BAIAP2L1: variants seen among roughly 807,000 people sequenced by gnomAD.
The protein encoded by BAIAP2L1 is BAR/IMD domain containing adaptor protein 2 like 1.
In BAIAP2L1, 35 loss-of-function variants were observed where a neutral mutation model predicts 66.3. The ratio of observed to expected loss-of-function variants is 0.53; its 90% CI spans 0.40 to 0.70. The LOEUF (loss-of-function observed/expected upper bound fraction) is 0.70, where lower values mean the gene tolerates loss of function less well. BAIAP2L1 is among the 30% of genes least tolerant of loss of function. The probability of loss-of-function intolerance (pLI) is 0.00; values close to 1 mark genes in which losing one functional copy is unlikely to be tolerated. For synonymous variants in BAIAP2L1, 269 were observed against 248.7 expected (o/e 1.08, Z -0.77); for missense variants, 622 against 656.9 (o/e 0.95, Z 0.58).
In BAIAP2L1 at chr7:98,311,354, T is replaced by G. The variant is rs940714335; in HGVS notation, c.807+743A>C. Among the ~76,000 whole-genome samples the G allele has an allele frequency of 4.7e-5, 7 of 148,474 alleles. No individual in the cohort carries two copies. In the East Asian group the frequency reaches 1.5e-3, roughly 31 times the overall value. ...GTCAGGAGATCGTGACCATCCTGGC[T>G]AACATGGTGAAACCCGGTTTCCACT... On this transcript the variant is annotated intron_variant, in intron 8 of 13. Transcript: ENST00000005260.
At chr7:98,398,533 A>G (rs1019662136) in intron 1 of BAIAP2L1, among the ~76,000 whole-genome samples, 4 of 152,050 alleles carry the variant, frequency 2.6e-5, no homozygotes, top group African/African-American at 9.7e-5. Flanking sequence ...ACGAACAAAC[A>G]TTTAGTGAGC....
intron 1 of BAIAP2L1, among the ~76,000 whole-genome samples, chr7:98,367,545 T>TTTC: frequency 6.8e-6 from 1 of 148,084 alleles, no homozygotes; most frequent in Non-Finnish European, 1.5e-5. Context: ...TTTTTTTTTT[T>TTTC]TTTTTTGTGA....
At chr7:98,386,766 T>C (rs979440974) in intron 1 of BAIAP2L1, among the ~76,000 whole-genome samples, 2 of 140,140 alleles carry the variant, frequency 1.4e-5, no homozygotes, top group Non-Finnish European at 1.5e-5. Context: ...GTGGTGCCAC[T>C]TCAGCTCACT....
At chr7:98,357,020 A>AAAAAAAAAT (rs1554337328) in intron 2 of BAIAP2L1, among the ~76,000 whole-genome samples, 1 of 28,100 alleles carries the variant, frequency 3.6e-5, no homozygotes, top group African/African-American at 2.3e-4. Context: ...AAAAAAAAAA[A>AAAAAAAAAT]ATATATATAT....
chr7:98,363,180 G>C (rs1306169739), intron 1 of BAIAP2L1, among the ~76,000 whole-genome samples: 1 of 151,868 alleles, frequency 6.6e-6, no homozygotes, highest in Non-Finnish European at 1.5e-5. Context: ...GATTACAGGA[G>C]CCCACCACCA....
chr7:98,344,824 T>C (rs1387226227), intron 3 of BAIAP2L1, among the ~76,000 whole-genome samples: 2 of 152,114 alleles, frequency 1.3e-5, no homozygotes, highest in Non-Finnish European at 2.9e-5. Context: ...TAATCCCAGC[T>C]ACTTGGGAGG....
chr7:98,341,004 C>A (rs1279771093), intron 3 of BAIAP2L1, among the ~76,000 whole-genome samples: 3 of 142,168 alleles, frequency 2.1e-5, no homozygotes, highest in African/African-American at 5.2e-5. Flanking sequence ...AAATTATAAC[C>A]CTACCTTTCT....
At chr7:98,394,405 G>C (rs965872778) in intron 1 of BAIAP2L1, among the ~76,000 whole-genome samples, 1 of 152,164 alleles carries the variant, frequency 6.6e-6, no homozygotes, top group African/African-American at 2.4e-5. Context: ...CCTAGGTCTT[G>C]GTTTGTCTTC....
intron 11 of BAIAP2L1, among the ~76,000 whole-genome samples, 182 bp from the exon 12 acceptor site, chr7:98,304,558 A>AT (rs895013068): frequency 2.6e-4 from 39 of 151,920 alleles, no homozygotes; most frequent in African/African-American, 8.2e-4. Context: ...TATTTTTTAA[A>AT]TTTTTTTGCG....
At chr7:98,363,797 A>T (rs1333666608) in intron 1 of BAIAP2L1, among the ~76,000 whole-genome samples, 2 of 152,262 alleles carry the variant, frequency 1.3e-5, no homozygotes, top group Middle Eastern at 3.4e-3. Context: ...AAGAATGAAC[A>T]ACTACCCAAC....
chr7:98,299,453 C>T (rs573234304), intron 12 of BAIAP2L1, among the ~76,000 whole-genome samples: 2 of 152,158 alleles, frequency 1.3e-5, no homozygotes, highest in Admixed American at 1.3e-4. Context: ...CCACCGTGCC[C>T]GGCAGGCTGC....
At position 98,382,388 on chromosome 7, in the gene BAIAP2L1, G is replaced by A. The variant is rs367689213; in HGVS notation, c.51+18414C>T. On this transcript the variant is annotated intron_variant, in intron 1 of 13. Transcript: ENST00000005260. Reference sequence around the variant, plus strand: ...CAGCCAGGTACAGTGGCTCACGCCTGTAATCCCAGCACTTTGGGAAGCCAA... The same window carrying A: ...CAGCCAGGTACAGTGGCTCACGCCTATAATCCCAGCACTTTGGGAAGCCAA... Among the ~76,000 whole-genome samples the A allele has an allele frequency of 5.1e-4, 77 of 152,286 alleles. No individual in the cohort carries two copies. The East Asian group carries it at 8.3e-3, about 16-fold the overall frequency.
rs780016964 is a variant in BAIAP2L1, at chr7:98,292,670, C to G, written c.*851G>C. 1.2e-5 allele frequency: 19 copies of G among 1,551,656 alleles called. No individual in the cohort carries two copies. In the South Asian group the frequency reaches 2.3e-4, roughly 18 times the overall value. On this transcript the variant is annotated 3_prime_UTR_variant, in exon 14 of 14. Coordinates refer to ENST00000005260, the MANE Select transcript of BAIAP2L1 (RefSeq NM_018842.5). ...GAGGTCATCCTGGCTTTACACGTAT[C>G]CTTTGAGAGTCTGTACCTGATTCAA...
At chr7:98,351,247 C>T (rs546437805) in intron 3 of BAIAP2L1, among the ~76,000 whole-genome samples, 67 of 152,268 alleles carry the variant, frequency 4.4e-4, no homozygotes, top group Non-Finnish European at 7.4e-4. Flanking sequence ...CTCAGACACA[C>T]AAAAAACGCG....
In BAIAP2L1 at chr7:98,400,977, C is replaced by A. The variant is rs1294215817; in HGVS notation, c.-125G>T. 3 of 875,928 alleles carry A rather than the reference C, an allele frequency of 3.4e-6. No homozygotes were observed. The African/African-American group carries it at 5.4e-5, about 16-fold the overall frequency. 54.3% of individuals were successfully genotyped at this position (875,928 alleles called of 1,614,324 possible). A position where few individuals can be genotyped will look rare whatever the true frequency, so the allele number is the denominator to read the frequency against. On this transcript the variant is annotated 5_prime_UTR_variant, in exon 1 of 14. Coordinates refer to ENST00000005260, the MANE Select transcript of BAIAP2L1 (RefSeq NM_018842.5). ...CTGGAGGGTCGGCCGCCGCCGCAGC[C>A]GTCGGCCCGAGAGTGCCCGCGCGCG... is the stretch of plus-strand genomic sequence containing the variant.
In BAIAP2L1 at chr7:98,359,126, G is replaced by A. The variant is rs143868753; in HGVS notation, c.127+3231C>T. 3.2e-3 allele frequency among the ~76,000 whole-genome samples: 480 copies of A among 152,322 alleles called. 3 individuals are homozygous for A. Among genetic ancestry groups the A allele is most frequent in the Non-Finnish European group, 4.3e-3 (292 of 68,034 alleles). ...AGACTGCAGGTGCAGGAGTGAGCCC[G>A]GAGGGTCTGGAGAACTGCCCTGCCT... is the stretch of plus-strand genomic sequence containing the variant. On this transcript the variant is annotated intron_variant, in intron 2 of 13. Transcript: ENST00000005260.
chr7:98,372,030 G>C (rs999288594), intron 1 of BAIAP2L1, among the ~76,000 whole-genome samples: 1 of 151,898 alleles, frequency 6.6e-6, no homozygotes, highest in Admixed American at 6.6e-5. Flanking sequence ...TCCTGATCTC[G>C]TGATCCACCT....
At chr7:98,359,946 C>T (rs1265737048) in intron 2 of BAIAP2L1, among the ~76,000 whole-genome samples, 5 of 149,078 alleles carry the variant, frequency 3.4e-5, no homozygotes, top group African/African-American at 1.2e-4. Flanking sequence ...TTTCTGAGGC[C>T]GAGTCTCACT....
intron 11 of BAIAP2L1, among the ~76,000 whole-genome samples, chr7:98,306,033 A>G (rs1271767678): frequency 2.0e-5 from 3 of 152,182 alleles, no homozygotes; most frequent in Non-Finnish European, 4.4e-5. Context: ...GCAGAAGACA[A>G]ACAGAGCACA....
Sources: gnomAD v4.1 joint callset for allele counts (sites outside exome capture counted in the v4.1 genomes callset) on GRCh38, gnomAD v4.1.1 for gene constraint, MANE v1.5 for transcripts, NCBI Gene and HGNC (gene_info 2026-07-23, HGNC 2026-07-21) for gene names.